Variants in BRINP1 observed in about 807,000 individuals in gnomAD.
BRINP1 encodes BMP/retinoic acid inducible neural specific 1, also known as BMP/retinoic acid-inducible neural-specific protein 1.
In BRINP1, 17 loss-of-function variants were observed where a neutral mutation model predicts 72.9. The ratio of observed to expected loss-of-function variants is 0.23; its 90% confidence interval spans 0.16 to 0.35. The LOEUF (loss-of-function observed/expected upper bound fraction) is 0.35. Ranked by LOEUF, BRINP1 falls within the 10% of genes least tolerant of loss-of-function variation. BRINP1 has a pLI of 1.00. For synonymous variants in BRINP1, 418 were observed against 378.5 expected, an observed-to-expected ratio of 1.10 and a Z score of -1.21; for missense variants, 850 against 1,001.6, an observed-to-expected ratio of 0.85 and a Z score of 2.04.
chr9:119,213,851 T>G, intron 6 of BRINP1, 68 bp downstream of exon 6: 3 of 1,377,404 alleles, frequency 2.2e-6, no homozygotes, highest in Non-Finnish European at 3.1e-6. Flanking sequence ...CTAATTCCAG[T>G]TAGATTAGCT....
chr9:119,254,191 G>A (rs916869638), intron 2 of BRINP1, among the ~76,000 whole-genome samples: 4 of 152,104 alleles, frequency 2.6e-5, no homozygotes, highest in Admixed American at 6.5e-5. Flanking sequence ...GCTCTCAAGG[G>A]GCATACATGC....
intron 2 of BRINP1, among the ~76,000 whole-genome samples, chr9:119,307,998 T>A (rs1831016232): frequency 6.6e-6 from 1 of 152,130 alleles, no homozygotes; most frequent in Admixed American, 6.5e-5. Context: ...AATGGAGAGA[T>A]AATAGCAATA....
intron 1 of BRINP1, among the ~76,000 whole-genome samples, chr9:119,339,167 C>T (rs1831383700): frequency 6.6e-6 from 1 of 152,172 alleles, no homozygotes; most frequent in Admixed American, 6.5e-5. Flanking sequence ...TTATGGGCCA[C>T]AGTGTCTCTA....
intron 1 of BRINP1, among the ~76,000 whole-genome samples, chr9:119,348,636 C>A (rs191985377): frequency 9.9e-5 from 15 of 152,238 alleles, no homozygotes; most frequent in Non-Finnish European, 1.9e-4. Context: ...AACTTTTATT[C>A]TTTAATATTC....
intron 1 of BRINP1, among the ~76,000 whole-genome samples, chr9:119,321,803 G>T (rs896978705): frequency 6.6e-6 from 1 of 152,162 alleles, no homozygotes; most frequent in African/African-American, 2.4e-5. Flanking sequence ...TTACATGTTG[G>T]AATATTATGA....
At chr9:119,363,797 A>G (rs1207637342) in intron 1 of BRINP1, among the ~76,000 whole-genome samples, 1 of 152,236 alleles carries the variant, frequency 6.6e-6, no homozygotes, top group Non-Finnish European at 1.5e-5. Flanking sequence ...TATAAGTTAA[A>G]TAAAATTAAA....
intron 1 of BRINP1, among the ~76,000 whole-genome samples, chr9:119,318,884 T>TGTGC (rs1831156510): frequency 6.9e-6 from 1 of 144,624 alleles, no homozygotes; most frequent in Non-Finnish European, 1.5e-5. Flanking sequence ...TGTGTGTGTG[T>TGTGC]GCAGGAGAGT....
In BRINP1 at chr9:119,368,975, C is replaced by A; in HGVS notation, c.-51+81G>T. 2.6e-6 allele frequency: 1 copy of A among 389,830 alleles called. No individual in the cohort carries two copies. 24.1% of individuals were successfully genotyped at this position (389,830 alleles called of 1,614,324 possible). A position where few individuals can be genotyped will look rare whatever the true frequency, so the allele number is the denominator to read the frequency against. Reference sequence around the variant, plus strand: ...GCCGGTAGGGGGAGGGGCAGAGGAGCGCGGGGACGCCCCGAATGCGGCCCG... The same window carrying A: ...GCCGGTAGGGGGAGGGGCAGAGGAGAGCGGGGACGCCCCGAATGCGGCCCG... On this transcript the variant is annotated intron_variant, in intron 1 of 7. Coordinates refer to ENST00000265922, the MANE Select transcript of BRINP1 (RefSeq NM_014618.3). This position sits in a 1 kb window ranked among gnomAD's most constrained non-coding sequence, Gnocchi z 4.7.
At chr9:119,268,252 A>T (rs911112762) in intron 2 of BRINP1, among the ~76,000 whole-genome samples, 1 of 46,616 alleles carries the variant, frequency 2.1e-5, no homozygotes, top group African/African-American at 2.1e-4. Flanking sequence ...CAATAAATAG[A>T]TAGATAGATA....
intron 1 of BRINP1, among the ~76,000 whole-genome samples, chr9:119,356,062 A>G (rs1325729012): frequency 6.6e-6 from 1 of 152,180 alleles, no homozygotes; most frequent in Non-Finnish European, 1.5e-5. Flanking sequence ...TGCTTTCACA[A>G]TAATGTATCT....
intron 1 of BRINP1, among the ~76,000 whole-genome samples, chr9:119,334,753 A>C (rs1285379946): frequency 6.8e-6 from 1 of 147,066 alleles, no homozygotes; most frequent in African/African-American, 2.5e-5. Flanking sequence ...TGGTGAAATA[A>C]GGAAGAAACT....
intron 1 of BRINP1, among the ~76,000 whole-genome samples, chr9:119,327,740 G>C (rs1229527216): frequency 6.6e-6 from 1 of 152,188 alleles, no homozygotes; most frequent in East Asian, 1.9e-4. Context: ...ATGACTCTTA[G>C]TCTGTTTTGG....
At chr9:119,213,455 T>C (rs1312566313) in intron 6 of BRINP1, among the ~76,000 whole-genome samples, 2 of 152,260 alleles carry the variant, frequency 1.3e-5, no homozygotes, top group Non-Finnish European at 2.9e-5. Flanking sequence ...GTAGATTCTT[T>C]GGATATCTAT....
chr9:119,176,197 G>C (rs1829487508), intron 7 of BRINP1, among the ~76,000 whole-genome samples: 1 of 152,192 alleles, frequency 6.6e-6, no homozygotes, highest in Non-Finnish European at 1.5e-5. Flanking sequence ...AATCAGAGTA[G>C]TCTCCTGGCT....
intron 2 of BRINP1, among the ~76,000 whole-genome samples, chr9:119,284,382 T>A (rs1455075822): frequency 6.6e-6 from 1 of 152,148 alleles, no homozygotes; most frequent in Non-Finnish European, 1.5e-5. Context: ...ATCCTCTGAG[T>A]TGCAATACCA....
chr9:119,360,303 T>C (rs1446080629), intron 1 of BRINP1, among the ~76,000 whole-genome samples: 4 of 152,350 alleles, frequency 2.6e-5, no homozygotes, highest in Non-Finnish European at 1.5e-5. Context: ...TGATTTTCTT[T>C]TCTAATGGCC....
At chr9:119,317,046 G>A (rs1044119129) in intron 1 of BRINP1, among the ~76,000 whole-genome samples, 6 of 151,570 alleles carry the variant, frequency 4.0e-5, no homozygotes, top group South Asian at 4.2e-4. Flanking sequence ...AACCAAGATC[G>A]CACCACTGCA....
At chr9:119,252,864 T>C (rs928377958) in intron 2 of BRINP1, among the ~76,000 whole-genome samples, 1 of 152,200 alleles carries the variant, frequency 6.6e-6, no homozygotes, top group African/African-American at 2.4e-5. Context: ...ATTCCTTTTT[T>C]TGAAACAGCC....
chr9:119,170,820 C>A (rs1365006715), intron 7 of BRINP1, among the ~76,000 whole-genome samples: 1 of 143,822 alleles, frequency 7.0e-6, no homozygotes, highest in African/African-American at 2.8e-5. Context: ...GAGTGGGGGC[C>A]AATATTCAAC....
Sources: gnomAD v4.1 joint callset for allele counts (sites outside exome capture counted in the v4.1 genomes callset) on GRCh38, gnomAD v4.1.1 for gene constraint, Gnocchi (gnomAD v3.1) non-coding constraint, MANE v1.5 for transcripts, NCBI Gene and HGNC (gene_info 2026-07-23, HGNC 2026-07-21) for gene names.